Variants in ITGAE observed in about 807,000 individuals in gnomAD.
The protein encoded by ITGAE is integrin subunit alpha E, also known as integrin alpha-E.
In ITGAE, 99 loss-of-function variants were observed where a neutral mutation model predicts 136.5. The observed-to-expected ratio is 0.73, with a 90% CI of 0.62 to 0.86. ITGAE has a LOEUF of 0.86. Ranked by LOEUF, ITGAE falls within the 40% of genes least tolerant of loss-of-function variation. The pLI is 0.00. For missense variants in ITGAE, 1,447 were observed against 1,515.3 expected, an observed-to-expected ratio of 0.95 and a Z score of 0.75; for synonymous variants, 613 against 591.8, an observed-to-expected ratio of 1.04 and a Z score of -0.52.
intron 26 of ITGAE, chr17:3,724,838 A>G (rs2051167967): frequency 6.2e-7 from 1 of 1,614,102 alleles, no homozygotes; most frequent in Non-Finnish European, 8.5e-7. Context: ...ACTCTTGTCA[A>G]GAGAGAGGGC....
At chr17:3,768,542 G>A (rs895064848) in intron 2 of ITGAE, among the ~76,000 whole-genome samples, 2 of 152,064 alleles carry the variant, frequency 1.3e-5, no homozygotes, top group African/African-American at 2.4e-5. Flanking sequence ...GGCCCTCCAC[G>A]GCGCTGTTCC....
chr17:3,725,283 CT>C (rs1567512951), intron 26 of ITGAE: 1 of 1,614,208 alleles, frequency 6.2e-7, no homozygotes, highest in South Asian at 1.1e-5. Context: ...CTTAAACACT[CT>C]AAGTATTTCA....
At chr17:3,772,313 G>A (rs560820407) in intron 2 of ITGAE, among the ~76,000 whole-genome samples, 7 of 152,164 alleles carry the variant, frequency 4.6e-5, no homozygotes, top group East Asian at 1.9e-4. Context: ...TCATGAGCCC[G>A]GGAGCTCCAT....
At position 3,728,102 on chromosome 17, in the gene ITGAE, T is replaced by C. The variant is rs954438773; in HGVS notation, c.2976+3A>G. 1.9e-6 allele frequency: 3 copies of C among 1,609,844 alleles called. No individual in the cohort carries two copies. Among genetic ancestry groups the C allele is most frequent in the Non-Finnish European group, 1.7e-6 (2 of 1,176,072 alleles). ...CTACAGCTTTACAATAATAAGTACTTACATGGAAGAGGAATTCTTTGTGGT... is the reference window on the plus strand; with the variant it reads ...CTACAGCTTTACAATAATAAGTACTCACATGGAAGAGGAATTCTTTGTGGT... On this transcript the variant is annotated splice_donor_region_variant and intron_variant, in intron 25 of 30. Transcript: ENST00000263087.
chr17:3,755,206 A>G lies in ITGAE; in HGVS notation c.1295T>C (p.Leu432Pro). 6.4e-7 allele frequency: 1 copy of G among 1,564,698 alleles called. No homozygotes were observed. Among genetic ancestry groups the G allele is most frequent in the Non-Finnish European group, 8.6e-7 (1 of 1,158,114 alleles). Residue 432 changes from leucine to proline, a missense_variant, in exon 12 of 31, where the codon CTC (leucine) becomes CCC (proline). Leu to Pro is a moderately conservative substitution (Grantham distance 98). Around this residue, in one of 3 missense-constraint regions of ITGAE, gnomAD observed 1,031 missense variants for 1,011.4 expected, o/e 1.02. Transcript: ENST00000263087. ...GCCCCGGCGGCTGCGTGTGTCGTAG[A>G]GCAACGCCCCTCCGGACCAGTCAAA... is the stretch of plus-strand genomic sequence containing the variant. ...GAFDWSGGAL[L>P]YDTRSRRGRF...
intron 8 of ITGAE, among the ~76,000 whole-genome samples, chr17:3,758,460 A>G (rs1326783578): frequency 6.7e-6 from 1 of 149,666 alleles, no homozygotes; most frequent in African/African-American, 2.5e-5. Flanking sequence ...TATTATTATT[A>G]TTATTGAGAT....
chr17:3,738,181 C>T (rs117546190), intron 20 of ITGAE, among the ~76,000 whole-genome samples: 8 of 151,910 alleles, frequency 5.3e-5, no homozygotes, highest in Non-Finnish European at 8.8e-5. Flanking sequence ...ACCCTCCCCC[C>T]CTCCCCGTTT....
rs1435386291 is a variant in ITGAE at position 3,761,921 on chromosome 17, AC to A, written c.308del (p.Gly103ValfsTer3). On this transcript the variant is annotated frameshift_variant, in exon 4 of 31. Coordinates refer to ENST00000263087, the MANE Select transcript of ITGAE (RefSeq NM_002208.5). LOFTEE classifies it high-confidence loss of function. The stretch of plus-strand genomic sequence containing the variant: ...CTCTCGCTCCTGCACTCACCAAAAC[AC>A]CGTGGTGGCTCCGGACAACGGTCAC... ...RGVTVVRSHH[G>X]VLICIQVLVR... 2.5e-6 allele frequency: 4 copies of A among 1,613,520 alleles called. No homozygotes were observed. The highest frequency in any genetic ancestry group is 3.4e-6 in the Non-Finnish European group (4 of 1,179,840).
chr17:3,751,341 C>T (rs138178435), intron 15 of ITGAE, among the ~76,000 whole-genome samples: 5 of 151,624 alleles, frequency 3.3e-5, no homozygotes, highest in East Asian at 1.9e-4. Flanking sequence ...AGCAGGGACC[C>T]GAGGCAGGTG....
chr17:3,795,234 T>G (rs1479928020), intron 1 of ITGAE, among the ~76,000 whole-genome samples: 2 of 152,162 alleles, frequency 1.3e-5, no homozygotes, highest in Non-Finnish European at 2.9e-5. Flanking sequence ...GATCTGTGAT[T>G]CAGTTTGTCT....
chr17:3,788,267 C>T (rs2052846918), intron 1 of ITGAE, among the ~76,000 whole-genome samples: 1 of 151,124 alleles, frequency 6.6e-6, no homozygotes, highest in Admixed American at 6.6e-5. Flanking sequence ...TTTTAGCCCC[C>T]AAGGTTGTAC....
intron 20 of ITGAE, 147 bp from the exon 21 acceptor site, chr17:3,735,096 T>A (rs1457000121): frequency 4.8e-6 from 4 of 827,456 alleles, no homozygotes; most frequent in Non-Finnish European, 7.8e-6. Flanking sequence ...TGGGTTCAAG[T>A]GATCCTCCCA....
intron 26 of ITGAE, chr17:3,726,832 TCTC>T (rs779274940): frequency 6.6e-6 from 1 of 151,766 alleles, no homozygotes; most frequent in Non-Finnish European, 1.5e-5. Context: ...TTCAAGCAAT[TCTC>T]CTACCTCAGC....
chr17:3,737,225 G>A (rs139953547), intron 20 of ITGAE, among the ~76,000 whole-genome samples: 56 of 152,290 alleles, frequency 3.7e-4, no homozygotes, highest in African/African-American at 1.1e-3. Context: ...GCCGGGAGGC[G>A]GAGGTTGCAG....
intron 2 of ITGAE, among the ~76,000 whole-genome samples, chr17:3,765,501 G>A (rs77440203): frequency 1.3e-5 from 2 of 151,858 alleles, no homozygotes; most frequent in Non-Finnish European, 1.5e-5. Flanking sequence ...ATATATTCAC[G>A]TATCGGCATG....
At chr17:3,743,367 G>T in intron 19 of ITGAE, 122 bp downstream of exon 19, 1 of 1,139,698 alleles carries the variant, frequency 8.8e-7, no homozygotes, top group Non-Finnish European at 1.2e-6. Flanking sequence ...TACGGTGAGG[G>T]GCCCAAATGC....
At chr17:3,730,612 T>C (rs2051319993) in intron 23 of ITGAE, 1 of 171,620 alleles carries the variant, frequency 5.8e-6, no homozygotes, top group East Asian at 1.6e-4. Context: ...GTGGGGGCTG[T>C]CCTGTACTGC....
intron 15 of ITGAE, among the ~76,000 whole-genome samples, chr17:3,750,711 C>T (rs527374212): frequency 6.6e-6 from 1 of 150,834 alleles, no homozygotes; most frequent in East Asian, 2.0e-4. Context: ...AAGAGTGAGG[C>T]ATGGGGAAAG....
At chr17:3,769,723 T>G (rs1263315659) in intron 2 of ITGAE, among the ~76,000 whole-genome samples, 1 of 152,026 alleles carries the variant, frequency 6.6e-6, no homozygotes, top group African/African-American at 2.4e-5. Context: ...TCACTCTGTC[T>G]CCCAGGCTGG....
Sources: gnomAD v4.1 joint callset for allele counts (sites outside exome capture counted in the v4.1 genomes callset) on GRCh38, gnomAD v4.1.1 for gene constraint, gnomAD v4.1.1 regional missense constraint, MANE v1.5 for transcripts, NCBI Gene and HGNC (gene_info 2026-07-23, HGNC 2026-07-21) for gene names.